The following NXPE2 variants were observed in gnomAD, a reference collection of about 807,000 sequenced individuals.
NXPE2 encodes the protein NXPE family member 2.
Under a neutral mutation model 34.4 loss-of-function variants are expected in NXPE2, and 34 were observed. The observed-to-expected ratio is 0.99, with a 90% confidence interval of 0.75 to 1.31. NXPE2 has a LOEUF of 1.31. Among genes scored for constraint, NXPE2 ranks in the 40% most tolerant of loss-of-function variants. NXPE2 has a pLI of 0.00. For missense variants in NXPE2, 649 were observed against 672.5 expected (o/e 0.97, Z 0.39); for synonymous variants, 235 against 231.3 (o/e 1.02, Z -0.15).
chr11:114,616,126 C>T, the NXPE2 span, among the ~76,000 whole-genome samples: 18 of 150,942 alleles, frequency 1.2e-4, no homozygotes, highest in South Asian at 2.1e-4. Context: ...CACTGTTATC[C>T]GGTGGATAAT....
At chr11:114,759,284 A>G in the NXPE2 span, among the ~76,000 whole-genome samples, 1 of 152,172 alleles carries the variant, frequency 6.6e-6, no homozygotes, top group Non-Finnish European at 1.5e-5. Flanking sequence ...GACCCAGGCC[A>G]TCTAGGTTTG....
chr11:114,798,298 A>C, the NXPE2 span, among the ~76,000 whole-genome samples: 1 of 152,118 alleles, frequency 6.6e-6, no homozygotes, highest in African/African-American at 2.4e-5. Flanking sequence ...GTCCCCAGGA[A>C]AATTGGACAA....
chr11:114,769,780 AGG>A, the NXPE2 span, among the ~76,000 whole-genome samples: 6,419 of 152,198 alleles, frequency 0.042, 450 homozygotes, highest in African/African-American at 0.14. Flanking sequence ...ACATGGACAC[AGG>A]GAGGGGAACA....
At chr11:114,562,880 C>T in the NXPE2 span, among the ~76,000 whole-genome samples, 12 of 152,274 alleles carry the variant, frequency 7.9e-5, no homozygotes, top group Non-Finnish European at 1.5e-5. Context: ...GATAATGCAG[C>T]AAGATAGTCC....
At chr11:114,582,348 A>G in the NXPE2 span, 2 of 1,612,432 alleles carry the variant, frequency 1.2e-6, no homozygotes, top group East Asian at 4.5e-5. Context: ...CTTAGAATAC[A>G]TGTGAGTGAG....
chr11:114,759,641 A>G, the NXPE2 span, among the ~76,000 whole-genome samples: 1 of 152,212 alleles, frequency 6.6e-6, no homozygotes, highest in Admixed American at 6.5e-5. Context: ...GAGGAAAATT[A>G]GAATACCGAA....
chr11:114,550,452 C>T, the NXPE2 span, among the ~76,000 whole-genome samples: 10 of 152,012 alleles, frequency 6.6e-5, no homozygotes, highest in Non-Finnish European at 1.0e-4. Context: ...CTACGGAGGC[C>T]GCACTCAACA....
At chr11:114,779,008 T>G in the NXPE2 span, among the ~76,000 whole-genome samples, 1 of 152,192 alleles carries the variant, frequency 6.6e-6, no homozygotes, top group Non-Finnish European at 1.5e-5. Flanking sequence ...AGCAGGCCTG[T>G]CCACACTCAC....
the NXPE2 span, among the ~76,000 whole-genome samples, chr11:114,519,480 G>A: frequency 6.6e-6 from 1 of 152,188 alleles, no homozygotes; most frequent in Non-Finnish European, 1.5e-5. Flanking sequence ...AGCTATTAGA[G>A]ATAACAGATA....
the NXPE2 span, among the ~76,000 whole-genome samples, chr11:114,744,288 A>G: frequency 9.2e-5 from 14 of 152,310 alleles, no homozygotes; most frequent in South Asian, 1.2e-3. Flanking sequence ...GAATATTTCA[A>G]TCTTAGCCTT....
At chr11:114,658,375 G>T in the NXPE2 span, among the ~76,000 whole-genome samples, 1 of 152,160 alleles carries the variant, frequency 6.6e-6, no homozygotes, top group Non-Finnish European at 1.5e-5. Flanking sequence ...GAGCACAGAC[G>T]TAAAGAGACT....
chr11:114,602,906 G>T, the NXPE2 span, among the ~76,000 whole-genome samples: 1 of 146,718 alleles, frequency 6.8e-6, no homozygotes. Context: ...TATAATTACA[G>T]AATCATATAT....
intron 2 of NXPE2, among the ~76,000 whole-genome samples, chr11:114,683,565 C>T (rs1039831532): frequency 2.2e-4 from 33 of 152,038 alleles, no homozygotes; most frequent in South Asian, 1.0e-3. Context: ...GGATTACAGG[C>T]GCGTGCCACC....
At chr11:114,503,112 C>T in the NXPE2 span, among the ~76,000 whole-genome samples, 1 of 151,368 alleles carries the variant, frequency 6.6e-6, no homozygotes, top group African/African-American at 2.4e-5. Flanking sequence ...AGAAATTGAG[C>T]AGGCCAAGAA....
chr11:114,692,032 G>C (rs1951162552), intron 2 of NXPE2, among the ~76,000 whole-genome samples: 1 of 152,118 alleles, frequency 6.6e-6, no homozygotes, highest in Admixed American at 6.5e-5. Flanking sequence ...ACAGGAAAAA[G>C]ACTAATTCCA....
chr11:114,784,292 A>C, the NXPE2 span, among the ~76,000 whole-genome samples: 1 of 152,216 alleles, frequency 6.6e-6, no homozygotes, highest in East Asian at 1.9e-4. Flanking sequence ...GCAGCTCCCA[A>C]ATAACATAAA....
the NXPE2 span, among the ~76,000 whole-genome samples, chr11:114,639,810 T>TATAATATATATTATATTA: frequency 5.1e-5 from 4 of 77,958 alleles, no homozygotes; most frequent in African/African-American, 1.4e-4. Flanking sequence ...AAATATAAAA[T>TATAATATATATTATATTA]AATATAAAAT....
At chr11:114,610,334 T>C in the NXPE2 span, among the ~76,000 whole-genome samples, 1 of 151,760 alleles carries the variant, frequency 6.6e-6, no homozygotes, top group African/African-American at 2.4e-5. Context: ...GAATAATAAG[T>C]ATGGCCTCAT....
the NXPE2 span, among the ~76,000 whole-genome samples, chr11:114,545,623 T>C: frequency 1.3e-5 from 2 of 152,000 alleles, no homozygotes; most frequent in African/African-American, 4.8e-5. Context: ...GAAATTACTG[T>C]GTATGATACT....
Sources: allele counts gnomAD v4.1 joint callset (sites outside exome capture counted in the v4.1 genomes callset), GRCh38; gene constraint gnomAD v4.1.1; transcripts MANE v1.5; gene names NCBI Gene and HGNC (gene_info 2026-07-23, HGNC 2026-07-21).